Variants in LRRC37A2 observed in about 807,000 individuals in gnomAD.
LRRC37A2 encodes the protein leucine rich repeat containing 37 member A2, also known as leucine-rich repeat-containing protein 37A2.
Under a neutral mutation model 68.8 loss-of-function variants are expected in LRRC37A2, and 9 were observed. That is an observed-to-expected ratio of 0.13 (90% CI 0.08 to 0.23). LRRC37A2 has a LOEUF of 0.23. Ranked by LOEUF, LRRC37A2 falls within the 10% of genes least tolerant of loss-of-function variation. The pLI is 1.00. For synonymous variants in LRRC37A2, 63 were observed against 367.6 expected, an observed-to-expected ratio of 0.17 and a Z score of 9.48; for missense variants, 168 against 950.4, an observed-to-expected ratio of 0.18 and a Z score of 10.82.
At chr17:46,798,195 C>T in the LRRC37A2 span, among the ~76,000 whole-genome samples, 1 of 152,226 alleles carries the variant, frequency 6.6e-6, no homozygotes, top group African/African-American at 2.4e-5. Context: ...TCCCGAAGTG[C>T]TGGGATCACA....
the LRRC37A2 span, among the ~76,000 whole-genome samples, chr17:46,953,016 G>T: frequency 6.6e-6 from 1 of 151,718 alleles, no homozygotes; most frequent in East Asian, 1.9e-4. Flanking sequence ...AATTCTTTTT[G>T]TTTTTAAATT....
chr17:46,501,189 C>T, the LRRC37A2 span, among the ~76,000 whole-genome samples: 1 of 151,108 alleles, frequency 6.6e-6, no homozygotes, highest in African/African-American at 2.5e-5. Context: ...GCTATATTGA[C>T]TTGTTTTTGA....
chr17:46,939,623 C>T, the LRRC37A2 span: 1 of 985,630 alleles, frequency 1.0e-6, no homozygotes, highest in Non-Finnish European at 1.2e-6. Context: ...TTTAGTATCT[C>T]TAATTCTTTG....
chr17:47,027,068 G>T, the LRRC37A2 span, among the ~76,000 whole-genome samples: 4 of 152,200 alleles, frequency 2.6e-5, no homozygotes, highest in East Asian at 1.9e-4. Context: ...GTGCCACCAG[G>T]CCTGGCTAAT....
At chr17:46,673,365 GAC>G in the LRRC37A2 span, among the ~76,000 whole-genome samples, 5 of 78,752 alleles carry the variant, frequency 6.3e-5, no homozygotes, top group Admixed American at 6.8e-4. Flanking sequence ...TTTCCATGGC[GAC>G]ACACTATTTA....
the LRRC37A2 span, among the ~76,000 whole-genome samples, chr17:46,823,167 T>A: frequency 7.9e-6 from 1 of 126,458 alleles, no homozygotes; most frequent in Non-Finnish European, 1.6e-5. Flanking sequence ...TATTATATAT[T>A]ATATATTTAT....
chr17:46,936,782 A>G, the LRRC37A2 span: 102,067 of 958,056 alleles, frequency 0.11, 5,743 homozygotes, highest in Non-Finnish European at 0.12. Context: ...TATCTCGGGG[A>G]AAAAAAAATA....
the LRRC37A2 span, among the ~76,000 whole-genome samples, chr17:46,800,578 A>G: frequency 4.6e-5 from 7 of 152,252 alleles, no homozygotes; most frequent in African/African-American, 1.2e-4. Context: ...ACAGGAAAAT[A>G]CACAACAAGT....
chr17:46,871,245 T>C, the LRRC37A2 span, among the ~76,000 whole-genome samples: 38 of 152,090 alleles, frequency 2.5e-4, no homozygotes, highest in Admixed American at 9.2e-4. Context: ...GGCCAGGATA[T>C]CCCAGAACAG....
chr17:46,746,942 A>T, the LRRC37A2 span, among the ~76,000 whole-genome samples: 21 of 152,198 alleles, frequency 1.4e-4, no homozygotes, highest in African/African-American at 4.8e-4. Flanking sequence ...AAATGGCGAG[A>T]TACCCAGAAA....
the LRRC37A2 span, among the ~76,000 whole-genome samples, chr17:46,976,843 G>A: frequency 6.6e-6 from 1 of 152,240 alleles, no homozygotes. Context: ...TATCCAGGTT[G>A]CCTGAGTCAC....
the LRRC37A2 span, chr17:46,756,997 C>G: frequency 6.6e-6 from 1 of 152,002 alleles, no homozygotes. Flanking sequence ...GTGCCTCTCT[C>G]TCCCAACTGC....
chr17:47,038,471 C>G, the LRRC37A2 span, among the ~76,000 whole-genome samples: 1 of 151,752 alleles, frequency 6.6e-6, no homozygotes, highest in East Asian at 1.9e-4. Context: ...TTTAGTTATC[C>G]GAGTGTGGTG....
the LRRC37A2 span, among the ~76,000 whole-genome samples, chr17:46,903,610 T>G: frequency 4.3e-4 from 66 of 152,232 alleles, no homozygotes; most frequent in African/African-American, 1.5e-3. Context: ...GTAAGAACCA[T>G]GGCTTCCACC....
the LRRC37A2 span, among the ~76,000 whole-genome samples, chr17:47,040,539 T>A: frequency 7.1e-6 from 1 of 141,544 alleles, no homozygotes; most frequent in Non-Finnish European, 1.6e-5. Context: ...ACTTCTTCTG[T>A]AAAGTCTCGC....
chr17:46,735,182 A>G, the LRRC37A2 span, among the ~76,000 whole-genome samples: 1 of 152,246 alleles, frequency 6.6e-6, no homozygotes, highest in Non-Finnish European at 1.5e-5. Flanking sequence ...TATAGTAGAT[A>G]TTAATACCAG....
the LRRC37A2 span, among the ~76,000 whole-genome samples, chr17:46,861,429 G>A: frequency 6.6e-6 from 1 of 152,056 alleles, no homozygotes; most frequent in Non-Finnish European, 1.5e-5. Flanking sequence ...CTCCCTCTGT[G>A]CCCTGTCCCA....
chr17:46,973,279 C>G, the LRRC37A2 span, among the ~76,000 whole-genome samples: 304 of 151,980 alleles, frequency 2.0e-3, 1 homozygote, highest in African/African-American at 7.1e-3. Context: ...CATATGACAG[C>G]TGGCTTGCTC....
At chr17:46,941,678 A>G in the LRRC37A2 span, 4 of 158,534 alleles carry the variant, frequency 2.5e-5, no homozygotes, top group African/African-American at 9.7e-5. Context: ...GGTTCAGGTG[A>G]TCCTCATACC....
Sources: allele counts gnomAD v4.1 joint callset (sites outside exome capture counted in the v4.1 genomes callset), GRCh38; gene constraint gnomAD v4.1.1; transcripts MANE v1.5; gene names NCBI Gene and HGNC (gene_info 2026-07-23, HGNC 2026-07-21).